Variants in CD300E observed in about 807,000 individuals in gnomAD.
The protein encoded by CD300E is CD300e molecule, also known as CMRF35-like molecule 2.
A neutral mutation model predicts 20.9 loss-of-function variants in CD300E; 14 were observed. That is an observed-to-expected ratio of 0.67 (90% CI 0.44 to 1.05). The LOEUF (loss-of-function observed/expected upper bound fraction) is 1.05. Ranked by LOEUF, CD300E falls within the 50% of genes least tolerant of loss-of-function variation. The pLI is 0.00. For synonymous variants in CD300E, 102 were observed against 103.7 expected, an observed-to-expected ratio of 0.98 and a Z score of 0.10; for missense variants, 237 against 253.9, an observed-to-expected ratio of 0.93 and a Z score of 0.45.
rs1202694737 is a variant in CD300E, at chr17:74,610,449, C to G, written c.*2204G>C. ...TGCTAGACCTCTCTGCCTGATGATT[C>G]CAAACACACAGAAAACTAAGCTCTG... On this transcript the variant is annotated 3_prime_UTR_variant, in exon 4 of 4. Coordinates refer to ENST00000392619, the MANE Select transcript of CD300E (RefSeq NM_181449.3). 1.3e-5 allele frequency: 2 copies of G among 152,266 alleles called. No individual in the cohort carries two copies. Among genetic ancestry groups the G allele is most frequent in the Non-Finnish European group, 2.9e-5 (2 of 68,098 alleles). 9.4% of individuals were successfully genotyped at this position (152,266 alleles called of 1,614,324 possible).
At chr17:74,614,096 G>A (rs183955951) in intron 2 of CD300E, 63 bp from the exon 3 acceptor site, 47 of 1,235,804 alleles carry the variant, frequency 3.8e-5, no homozygotes, top group Admixed American at 3.2e-4. Context: ...CAGAACACCC[G>A]TATGGATGTC....
rs2030802745 is a variant in CD300E at position 74,612,370 on chromosome 17, C to T, written c.*283G>A. On this transcript the variant is annotated 3_prime_UTR_variant, in exon 4 of 4. Transcript: ENST00000392619. ...CAGCCTCCTGAGCTGGGATTATAGG[C>T]ACTCGCTATGGTGCCCGGCCAACTT... 1 of 267,972 alleles carries T rather than the reference C, an allele frequency of 3.7e-6. No individual in the cohort carries two copies. Among genetic ancestry groups the T allele is most frequent in the African/African-American group, 2.2e-5 (1 of 44,728 alleles). The allele number at this position is 267,972 out of a possible 1,614,324, so 16.6% of individuals were successfully genotyped here.
intron 1 of CD300E, among the ~76,000 whole-genome samples, chr17:74,617,776 A>C (rs2143365039): frequency 6.6e-6 from 1 of 152,276 alleles, no homozygotes; most frequent in Non-Finnish European, 1.5e-5. Flanking sequence ...GCCAGGCATG[A>C]GATTTGGTCA....
Position 74,620,816 on chromosome 17 carries a change from C to T in CD300E, c.40+2766G>A, listed in dbSNP as rs145740599. On this transcript the variant is annotated intron_variant, in intron 1 of 3. Transcript: ENST00000392619. ...GTGAGCTTAAAGAAAAAGATAAAGGCCAAGGTGAGCGGATCACTGGAGGTG... is the reference window on the plus strand; with the variant it reads ...GTGAGCTTAAAGAAAAAGATAAAGGTCAAGGTGAGCGGATCACTGGAGGTG... Among the ~76,000 whole-genome samples, 36 of 152,096 alleles carry T rather than the reference C, an allele frequency of 2.4e-4. No individual in the cohort carries two copies. In the East Asian group the frequency reaches 6.8e-3, roughly 29 times the overall value.
Position 74,610,017 on chromosome 17 carries a change from A to G in CD300E, c.*2636T>C, listed in dbSNP as rs1054072108. 6.6e-6 allele frequency: 1 copy of G among 152,312 alleles called. No homozygotes were observed. Among genetic ancestry groups the G allele is most frequent in the Admixed American group, 6.5e-5 (1 of 15,284 alleles). 9.4% of individuals were successfully genotyped at this position (152,312 alleles called of 1,614,324 possible). ...AGAAGCCACTGTTTGTTTCTCCTGC[A>G]CCTGCTGTCTGCCATCTGTCTACTC... On this transcript the variant is annotated 3_prime_UTR_variant, in exon 4 of 4. Coordinates refer to ENST00000392619, the MANE Select transcript of CD300E (RefSeq NM_181449.3).
At chr17:74,616,323 C>T (rs2030897883) in intron 2 of CD300E, among the ~76,000 whole-genome samples, 1 of 152,114 alleles carries the variant, frequency 6.6e-6, no homozygotes, top group Admixed American at 6.5e-5. Flanking sequence ...GCGACCAGGT[C>T]GGGTGATGAC....
chr17:74,622,806 C>T (rs1037631661), intron 1 of CD300E, among the ~76,000 whole-genome samples: 2 of 151,868 alleles, frequency 1.3e-5, no homozygotes, highest in African/African-American at 4.8e-5. Context: ...GGTGCAATCT[C>T]GGCTCACTGC....
At chr17:74,618,675 T>C (rs2030956987) in intron 1 of CD300E, among the ~76,000 whole-genome samples, 3 of 152,118 alleles carry the variant, frequency 2.0e-5, no homozygotes, top group African/African-American at 7.2e-5. Flanking sequence ...GTCTGTCATA[T>C]GCCTTGGCAG....
intron 1 of CD300E, among the ~76,000 whole-genome samples, chr17:74,618,462 A>G (rs1218660337): frequency 6.6e-6 from 1 of 152,104 alleles, no homozygotes; most frequent in East Asian, 1.9e-4. Flanking sequence ...GGGCCACGGA[A>G]GCTTAAGCCG....
intron 1 of CD300E, among the ~76,000 whole-genome samples, chr17:74,620,637 G>A (rs1422861862): frequency 2.7e-5 from 4 of 149,496 alleles, no homozygotes; most frequent in South Asian, 2.1e-4. Context: ...GCGAGACTCC[G>A]GCCAAAAAAA....
intron 2 of CD300E, 73 bp from the exon 3 acceptor site, chr17:74,614,106 C>T (rs1362619286): frequency 8.9e-7 from 1 of 1,126,798 alleles, no homozygotes; most frequent in Non-Finnish European, 1.3e-6. Context: ...GTATGGATGT[C>T]ATACAGAATC....
At chr17:74,622,979 C>T (rs915287398) in intron 1 of CD300E, among the ~76,000 whole-genome samples, 1 of 152,252 alleles carries the variant, frequency 6.6e-6, no homozygotes, top group Admixed American at 6.5e-5. Flanking sequence ...CTCAGGTGAT[C>T]CACCCACCTT....
At chr17:74,620,503 C>A (rs2030997709) in intron 1 of CD300E, among the ~76,000 whole-genome samples, 1 of 151,922 alleles carries the variant, frequency 6.6e-6, no homozygotes, top group African/African-American at 2.4e-5. Flanking sequence ...ATTAGCCGAG[C>A]ATGGTGGTGT....
intron 2 of CD300E, among the ~76,000 whole-genome samples, chr17:74,615,261 C>T (rs936025106): frequency 4.6e-5 from 7 of 152,156 alleles, no homozygotes; most frequent in African/African-American, 1.7e-4. Context: ...GAGTGTGAGT[C>T]TGAGGACAGG....
At position 74,612,650 on chromosome 17, in the gene CD300E, G is replaced by A. The variant is rs537291363; in HGVS notation, c.*3C>T. 1 of 1,613,130 alleles carries A rather than the reference G, an allele frequency of 6.2e-7. No individual in the cohort carries two copies. The highest frequency in any genetic ancestry group is 1.3e-5 in the African/African-American group (1 of 75,032). On this transcript the variant is annotated 3_prime_UTR_variant, in exon 4 of 4. Coordinates refer to ENST00000392619, the MANE Select transcript of CD300E (RefSeq NM_181449.3). Reference sequence around the variant, plus strand: ...CTCTGCAGGGCTTCGGGTCAGCCTGGCTCTATCTTCCAGGAGGAGCCCACT... The same window carrying A: ...CTCTGCAGGGCTTCGGGTCAGCCTGACTCTATCTTCCAGGAGGAGCCCACT...
Position 74,612,462 on chromosome 17 carries a change from G to A in CD300E, c.*191C>T. 1 of 609,118 alleles carries A rather than the reference G, an allele frequency of 1.6e-6. No individual in the cohort carries two copies. Among genetic ancestry groups the A allele is most frequent in the African/African-American group, 1.9e-5 (1 of 53,132 alleles). The allele number at this position is 609,118 out of a possible 1,614,324, so 37.7% of individuals were successfully genotyped here. On this transcript the variant is annotated 3_prime_UTR_variant, in exon 4 of 4. Transcript: ENST00000392619. The stretch of plus-strand genomic sequence containing the variant: ...GAGGCAGGGGACTGGGGAGGAGAAA[G>A]GAGGACCCCCAAGCTGCACATTGAG...
chr17:74,612,524 C>T lies in CD300E; in HGVS notation c.*129G>A. The T allele has an allele frequency of 2.3e-6, 3 of 1,331,580 alleles. No individual in the cohort carries two copies. The highest frequency in any genetic ancestry group is 3.1e-6 in the Non-Finnish European group (3 of 977,626). 82.5% of individuals were successfully genotyped at this position (1,331,580 alleles called of 1,614,324 possible). A position where few individuals can be genotyped will look rare whatever the true frequency, so the allele number is the denominator to read the frequency against. On this transcript the variant is annotated 3_prime_UTR_variant, in exon 4 of 4. Transcript: ENST00000392619. ...AGTGTCCTCTAAGAGCCAGGACCCTCCTTTGAGGCACAGGAACAATAAATC... is the reference window on the plus strand; with the variant it reads ...AGTGTCCTCTAAGAGCCAGGACCCTTCTTTGAGGCACAGGAACAATAAATC...
At chr17:74,617,569 T>C (rs1442167386) in intron 1 of CD300E, 104 bp from the exon 2 acceptor site, 2 of 964,018 alleles carry the variant, frequency 2.1e-6, no homozygotes, top group African/African-American at 3.3e-5. Flanking sequence ...CCTGGGTGTT[T>C]CCTGGGAGGG....
intron 3 of CD300E, 91 bp from the exon 4 acceptor site, chr17:74,612,864 G>A: frequency 6.5e-7 from 1 of 1,536,098 alleles, no homozygotes; most frequent in Non-Finnish European, 8.8e-7. Flanking sequence ...TGACTCTGGA[G>A]CCCAAATAAC....
Sources: gnomAD v4.1 joint callset for allele counts (sites outside exome capture counted in the v4.1 genomes callset) on GRCh38, gnomAD v4.1.1 for gene constraint, MANE v1.5 for transcripts, NCBI Gene and HGNC (gene_info 2026-07-23, HGNC 2026-07-21) for gene names.